Variants in HTR1F observed in about 807,000 individuals in gnomAD.
The protein encoded by HTR1F is 5-hydroxytryptamine (serotonin) receptor 1F, G protein-coupled.
In HTR1F, 17 loss-of-function variants were observed where a neutral mutation model predicts 24.0. That is an observed-to-expected ratio of 0.71 (90% confidence interval 0.48 to 1.06). HTR1F has a LOEUF of 1.06. HTR1F is among the 50% of genes least tolerant of loss of function. The pLI, the probability that HTR1F is intolerant of heterozygous loss-of-function variation, is 0.00. For synonymous variants in HTR1F, 186 were observed against 156.8 expected, an observed-to-expected ratio of 1.19 and a Z score of -1.39; for missense variants, 391 against 427.8, an observed-to-expected ratio of 0.91 and a Z score of 0.76.
At chr3:87,828,016 T>C (rs1325530529) in intron 2 of HTR1F, among the ~76,000 whole-genome samples, 3 of 112,814 alleles carry the variant, frequency 2.7e-5, no homozygotes, top group Non-Finnish European at 4.0e-5. Flanking sequence ...AAGCCTACTC[T>C]ATGGTAGATC....
intron 2 of HTR1F, among the ~76,000 whole-genome samples, chr3:87,989,221 T>C (rs1705761725): frequency 6.6e-6 from 1 of 152,230 alleles, no homozygotes; most frequent in Non-Finnish European, 1.5e-5. Flanking sequence ...TATAATGGAC[T>C]AAAGCAAAAC....
At position 87,952,659 on chromosome 3, in the gene HTR1F, G is replaced by A. The variant is rs192737949; in HGVS notation, c.-42-38049G>A. Among the ~76,000 whole-genome samples, 16 of 151,928 alleles carry A rather than the reference G, an allele frequency of 1.1e-4. No individual in the cohort carries two copies. The East Asian group carries it at 2.3e-3, about 22-fold the overall frequency. On this transcript the variant is annotated intron_variant, in intron 2 of 2. Coordinates refer to ENST00000319595, the MANE Select transcript of HTR1F (RefSeq NM_001322209.2). ...TTTGCATAATTTGCAATTTACACGCGTAATTTCTGACAAAATTCTGAAAAT... is the reference window on the plus strand; with the variant it reads ...TTTGCATAATTTGCAATTTACACGCATAATTTCTGACAAAATTCTGAAAAT...
intron 2 of HTR1F, among the ~76,000 whole-genome samples, chr3:87,834,514 G>A (rs549078610): frequency 6.6e-6 from 1 of 151,844 alleles, no homozygotes; most frequent in South Asian, 2.1e-4. Context: ...AACGTGAGGT[G>A]GCGCTTAAGA....
chr3:87,817,775 T>C (rs1704277093), intron 1 of HTR1F, among the ~76,000 whole-genome samples: 2 of 152,184 alleles, frequency 1.3e-5, no homozygotes, highest in Admixed American at 1.3e-4. Context: ...ATGGTAAGAC[T>C]ACTGAGATGA....
At chr3:87,838,725 T>C (rs1288430374) in intron 2 of HTR1F, among the ~76,000 whole-genome samples, 2 of 152,054 alleles carry the variant, frequency 1.3e-5, no homozygotes, top group African/African-American at 2.4e-5. Context: ...GAAAACACAA[T>C]TGGAATAACT....
At chr3:87,858,342 T>C (rs553816309) in intron 2 of HTR1F, among the ~76,000 whole-genome samples, 56 of 152,196 alleles carry the variant, frequency 3.7e-4, no homozygotes, top group Non-Finnish European at 3.7e-4. Context: ...GAAGCTTGTC[T>C]ATATTAGGAC....
In HTR1F at chr3:87,900,142, T is replaced by G. The variant is rs550609936; in HGVS notation, c.-43+78018T>G. Among the ~76,000 whole-genome samples, 19 of 151,978 alleles carry G rather than the reference T, an allele frequency of 1.3e-4. No individual in the cohort carries two copies. In the East Asian group the frequency reaches 3.7e-3, roughly 30 times the overall value. Reference sequence around the variant, plus strand: ...AGTATTTTCAATGGGATAAGTAGTATTAATATAAAGAAAAGGAAGTAAGGA... The same window carrying G: ...AGTATTTTCAATGGGATAAGTAGTAGTAATATAAAGAAAAGGAAGTAAGGA... On this transcript the variant is annotated intron_variant, in intron 2 of 2. Coordinates refer to ENST00000319595, the MANE Select transcript of HTR1F (RefSeq NM_001322209.2).
intron 2 of HTR1F, among the ~76,000 whole-genome samples, chr3:87,847,171 T>G (rs567776809): frequency 6.6e-6 from 1 of 151,992 alleles, no homozygotes; most frequent in Non-Finnish European, 1.5e-5. Context: ...ATTGATGAAC[T>G]ATTTTTTAAA....
At chr3:87,987,666 A>G (rs1705694252) in intron 2 of HTR1F, among the ~76,000 whole-genome samples, 1 of 143,976 alleles carries the variant, frequency 6.9e-6, no homozygotes, top group African/African-American at 2.5e-5. Flanking sequence ...ATAAAAATAT[A>G]TGTATTATAT....
chr3:87,857,458 GT>G (rs2107221173), intron 2 of HTR1F, among the ~76,000 whole-genome samples: 1 of 152,154 alleles, frequency 6.6e-6, no homozygotes, highest in East Asian at 1.9e-4. Flanking sequence ...AGAAAGAATA[GT>G]TCTAGTATTA....
chr3:87,923,374 A>G (rs1300754405), intron 2 of HTR1F, among the ~76,000 whole-genome samples: 3 of 151,784 alleles, frequency 2.0e-5, no homozygotes, highest in Non-Finnish European at 3.0e-5. Context: ...TTAACAATCC[A>G]TAAACACAAG....
In HTR1F at chr3:87,969,282, C is replaced by T. The variant is rs559957043; in HGVS notation, c.-42-21426C>T. Among the ~76,000 whole-genome samples, 294 of 152,314 alleles carry T rather than the reference C, an allele frequency of 1.9e-3. 4 individuals carry two copies. The highest frequency in any genetic ancestry group is 3.4e-3 in the Middle Eastern group (1 of 294). Reference sequence around the variant, plus strand: ...GAATGGTAGGTCCACTGACAGCTTGCGCCTGTGTGCCAGGAAAAGCCACAG... The same window carrying T: ...GAATGGTAGGTCCACTGACAGCTTGTGCCTGTGTGCCAGGAAAAGCCACAG... On this transcript the variant is annotated intron_variant, in intron 2 of 2. Transcript: ENST00000319595.
intron 2 of HTR1F, among the ~76,000 whole-genome samples, chr3:87,925,220 C>A (rs1241076041): frequency 2.6e-5 from 4 of 152,130 alleles, no homozygotes; most frequent in Non-Finnish European, 5.9e-5. Context: ...CTCTGGAAGA[C>A]TCCCTGGTCA....
intron 2 of HTR1F, among the ~76,000 whole-genome samples, chr3:87,923,941 G>A (rs1704067854): frequency 6.6e-6 from 1 of 151,904 alleles, no homozygotes; most frequent in African/African-American, 2.4e-5. Context: ...TGAGGATATT[G>A]GCCTTTAGTT....
At chr3:87,806,635 C>T (rs1704078711) in intron 1 of HTR1F, among the ~76,000 whole-genome samples, 2 of 151,946 alleles carry the variant, frequency 1.3e-5, no homozygotes, top group South Asian at 4.1e-4. Context: ...TATTGCTTTG[C>T]TGTGAAGAAG....
chr3:87,852,970 T>G (rs1459383512), intron 2 of HTR1F, among the ~76,000 whole-genome samples: 1 of 148,420 alleles, frequency 6.7e-6, no homozygotes. Context: ...TAGTGGCTGT[T>G]TTTTTTTTTT....
At chr3:87,976,469 T>C (rs762544272) in intron 2 of HTR1F, among the ~76,000 whole-genome samples, 7 of 152,122 alleles carry the variant, frequency 4.6e-5, no homozygotes, top group Non-Finnish European at 1.0e-4. Flanking sequence ...TCAAGTCAAG[T>C]CTGGGCAACA....
chr3:87,934,497 G>A (rs1704363896), intron 2 of HTR1F, among the ~76,000 whole-genome samples: 1 of 152,140 alleles, frequency 6.6e-6, no homozygotes, highest in Non-Finnish European at 1.5e-5. Context: ...CTAATGACTG[G>A]CTAGTGCAGT....
intron 2 of HTR1F, among the ~76,000 whole-genome samples, chr3:87,838,959 A>G (rs965991056): frequency 1.3e-5 from 2 of 150,816 alleles, no homozygotes; most frequent in Non-Finnish European, 3.0e-5. Context: ...TTTTCTCCCA[A>G]TCCATGAATT....
Sources: allele counts gnomAD v4.1 joint callset (sites outside exome capture counted in the v4.1 genomes callset), GRCh38; gene constraint gnomAD v4.1.1; transcripts MANE v1.5; gene names NCBI Gene and HGNC (gene_info 2026-07-23, HGNC 2026-07-21).